The following BCAT1 variants were observed in gnomAD, a reference collection of about 807,000 sequenced individuals.
BCAT1 encodes the protein branched-chain-amino-acid aminotransferase, cytosolic.
A neutral mutation model predicts 52.4 loss-of-function variants in BCAT1; 48 were observed. The ratio of observed to expected loss-of-function variants is 0.92; its 90% CI spans 0.73 to 1.16. BCAT1 has a LOEUF of 1.16. Ranked by LOEUF, BCAT1 falls within the 50% of genes most tolerant of loss-of-function variation. BCAT1 has a pLI of 0.00. For synonymous variants in BCAT1, 167 were observed against 161.3 expected (o/e 1.04, Z -0.27); for missense variants, 451 against 457.1 (o/e 0.99, Z 0.12).
intron 10 of BCAT1, among the ~76,000 whole-genome samples, chr12:24,820,141 T>C (rs1166406578): frequency 2.0e-5 from 3 of 152,214 alleles, no homozygotes; most frequent in African/African-American, 7.2e-5. Context: ...GTTTTATAAA[T>C]GATCAAAAAT....
chr12:24,902,951 C>G (rs946111042), intron 1 of BCAT1: 2 of 1,506,826 alleles, frequency 1.3e-6, no homozygotes, highest in Admixed American at 4.1e-5. Flanking sequence ...AGGTACCTGG[C>G]GGGCAAGGGC....
intron 5 of BCAT1, among the ~76,000 whole-genome samples, chr12:24,868,977 A>G (rs988674152): frequency 1.3e-5 from 2 of 152,240 alleles, no homozygotes; most frequent in African/African-American, 4.8e-5. Flanking sequence ...ATATACAAAG[A>G]TGCAAAAAAT....
intron 10 of BCAT1, among the ~76,000 whole-genome samples, chr12:24,819,534 A>C (rs1211136917): frequency 1.3e-5 from 2 of 152,176 alleles, no homozygotes; most frequent in Non-Finnish European, 2.9e-5. Context: ...ATAAAAATCA[A>C]GTGTAAGGAG....
intron 7 of BCAT1, among the ~76,000 whole-genome samples, chr12:24,839,220 A>G (rs1021774430): frequency 6.6e-6 from 1 of 152,234 alleles, no homozygotes; most frequent in African/African-American, 2.4e-5. Context: ...ATTTTGATTA[A>G]GAGCTCAAGG....
At chr12:24,872,886 G>C (rs1942220282) in intron 5 of BCAT1, among the ~76,000 whole-genome samples, 1 of 152,202 alleles carries the variant, frequency 6.6e-6, no homozygotes, top group Non-Finnish European at 1.5e-5. Context: ...GATGAAATGG[G>C]ACTGACATAT....
intron 2 of BCAT1, among the ~76,000 whole-genome samples, chr12:24,899,187 T>C (rs949368781): frequency 3.3e-5 from 5 of 152,176 alleles, no homozygotes; most frequent in African/African-American, 1.2e-4. Context: ...TGCTAGGCCC[T>C]GCTGCAAAAC....
At chr12:24,828,417 A>G (rs1488331219) in intron 10 of BCAT1, among the ~76,000 whole-genome samples, 1 of 152,226 alleles carries the variant, frequency 6.6e-6, no homozygotes, top group East Asian at 1.9e-4. Context: ...CAAAGTTAGC[A>G]GTATGAAAAA....
intron 5 of BCAT1, among the ~76,000 whole-genome samples, chr12:24,872,508 CAATGCTGGTATT>C (rs1377899091): frequency 6.6e-6 from 1 of 152,202 alleles, no homozygotes; most frequent in Non-Finnish European, 1.5e-5. Flanking sequence ...TGTGTGCATC[CAATGCTGGTATT>C]AACTAAATGC....
At chr12:24,821,327 T>C (rs185645324) in intron 10 of BCAT1, among the ~76,000 whole-genome samples, 134 of 152,340 alleles carry the variant, frequency 8.8e-4, no homozygotes, top group Admixed American at 1.6e-3. Flanking sequence ...GCCCCTTTCC[T>C]ATGCTTCAGA....
At chr12:24,880,267 G>C (rs1224287725) in intron 4 of BCAT1, among the ~76,000 whole-genome samples, 1 of 152,160 alleles carries the variant, frequency 6.6e-6, no homozygotes, top group Non-Finnish European at 1.5e-5. Context: ...TGGCTAACAT[G>C]GTGAAATCAT....
chr12:24,830,566 G>A (rs1003655143), intron 9 of BCAT1: 1 of 152,148 alleles, frequency 6.6e-6, no homozygotes. Flanking sequence ...GAGATAGTCT[G>A]TGCTCTCAAA....
At chr12:24,836,336 T>C in intron 8 of BCAT1, 175 bp downstream of exon 8, 1 of 604,610 alleles carries the variant, frequency 1.7e-6, no homozygotes. Context: ...AATACTTATT[T>C]TAATAGTCTT....
At chr12:24,887,080 A>AATATATATATATATATATATATATAT (rs71063368) in intron 3 of BCAT1, among the ~76,000 whole-genome samples, 1 of 40,748 alleles carries the variant, frequency 2.5e-5, no homozygotes, top group Non-Finnish European at 5.2e-5. Context: ...AAAAAAAAAA[A>AATATATATATATATATATATATATAT]ATATATATAT....
chr12:24,947,212 C>T (rs1256028436), intron 1 of BCAT1, among the ~76,000 whole-genome samples: 1 of 148,362 alleles, frequency 6.7e-6, no homozygotes. Context: ...CACACACACA[C>T]GGACTTCCCT....
intron 1 of BCAT1, among the ~76,000 whole-genome samples, chr12:24,942,552 A>AC (rs1943865348): frequency 1.4e-5 from 2 of 146,552 alleles, no homozygotes; most frequent in African/African-American, 5.1e-5. Context: ...TCAAAAAAAA[A>AC]AAAAAAAGAT....
chr12:24,867,711 C>T (rs771051278), intron 5 of BCAT1, among the ~76,000 whole-genome samples: 29 of 152,210 alleles, frequency 1.9e-4, no homozygotes, highest in Non-Finnish European at 3.8e-4. Flanking sequence ...AGGAAGAAAC[C>T]TTTAAAAAGA....
chr12:24,847,780 C>T (rs1429631552), intron 6 of BCAT1, among the ~76,000 whole-genome samples: 1 of 152,140 alleles, frequency 6.6e-6, no homozygotes, highest in Non-Finnish European at 1.5e-5. Context: ...GCCCTAGATT[C>T]ACTTAGATAG....
At position 24,901,859 on chromosome 12, in the gene BCAT1, C is replaced by T. The variant is rs1943112607; in HGVS notation, c.33G>A (p.Glu11=). 1 of 1,613,904 alleles carries T rather than the reference C, an allele frequency of 6.2e-7. No homozygotes were observed. The highest frequency in any genetic ancestry group is 1.7e-5 in the Admixed American group (1 of 60,012). MKDCSNGCSA[E]CTGEGGSKEV... ...CTTTTGATCCTCCTTCTCCGGTACA[C>T]TCTGCGGAGCATCCGTTACTGCAAT... Residue 11 remains glutamate (E), a synonymous_variant, in exon 2 of 11, where the codon GAG becomes GAA. Coordinates refer to ENST00000261192, the MANE Select transcript of BCAT1 (RefSeq NM_005504.7).
chr12:24,875,881 G>A (rs1479775740), intron 5 of BCAT1, among the ~76,000 whole-genome samples: 1 of 152,100 alleles, frequency 6.6e-6, no homozygotes, highest in Non-Finnish European at 1.5e-5. Flanking sequence ...TTGTGATGGG[G>A]TTACAACTCA....
Sources: gnomAD v4.1 joint callset for allele counts (sites outside exome capture counted in the v4.1 genomes callset) on GRCh38, gnomAD v4.1.1 for gene constraint, MANE v1.5 for transcripts, NCBI Gene and HGNC (gene_info 2026-07-23, HGNC 2026-07-21) for gene names.